The following ACYP2 variants were observed in gnomAD, a reference collection of about 807,000 sequenced individuals.
The protein encoded by ACYP2 is acylphosphatase 2.
ACYP2 carries 12 observed loss-of-function variants against 11.2 expected under a neutral mutation model. The ratio of observed to expected loss-of-function variants is 1.08; its 90% CI spans 0.69 to 1.74. ACYP2 has a LOEUF of 1.74. Among genes scored for constraint, ACYP2 ranks in the 40% most tolerant of loss-of-function variants. The pLI is 0.00. For missense variants in ACYP2, 134 were observed against 101.9 expected (o/e 1.31, Z -1.35); for synonymous variants, 43 against 32.2 (o/e 1.33, Z -1.13).
At chr2:54,041,613 G>A (rs7559384) in intron 2 of ACYP2, among the ~76,000 whole-genome samples, 40,822 of 152,010 alleles carry the variant, frequency 0.27, 6,030 homozygotes, top group South Asian at 0.46. Flanking sequence ...ACAGGTGTAC[G>A]ACTGGACTAT....
chr2:54,195,202 C>G (rs146112369), intron 6 of ACYP2, among the ~76,000 whole-genome samples: 259 of 152,198 alleles, frequency 1.7e-3, no homozygotes, highest in African/African-American at 6.0e-3. Context: ...ATAAAAGGGC[C>G]GATTGTTAGA....
intron 6 of ACYP2, among the ~76,000 whole-genome samples, chr2:54,241,603 G>A (rs1686732873): frequency 6.6e-6 from 1 of 152,178 alleles, no homozygotes; most frequent in South Asian, 2.1e-4. Flanking sequence ...GCCAGGAGAA[G>A]TGAAGATAGT....
At chr2:54,063,743 G>T (rs1468942261) in intron 4 of ACYP2, among the ~76,000 whole-genome samples, 1 of 152,168 alleles carries the variant, frequency 6.6e-6, no homozygotes, top group Non-Finnish European at 1.5e-5. Flanking sequence ...CTTTAACTAT[G>T]CTCATACCTT....
chr2:54,271,469 G>A (rs1446704016), intron 6 of ACYP2, among the ~76,000 whole-genome samples: 1 of 151,552 alleles, frequency 6.6e-6, no homozygotes, highest in African/African-American at 2.4e-5. Flanking sequence ...GACTCAACCA[G>A]TGTGTCCTGT....
chr2:54,193,099 A>G (rs1684304280), intron 6 of ACYP2, among the ~76,000 whole-genome samples: 1 of 152,234 alleles, frequency 6.6e-6, no homozygotes, highest in South Asian at 2.1e-4. Context: ...AACCTTTCAC[A>G]TAATGCTACA....
At chr2:54,153,051 T>G (rs183077550) in intron 6 of ACYP2, among the ~76,000 whole-genome samples, 15 of 152,326 alleles carry the variant, frequency 9.8e-5, no homozygotes, top group Admixed American at 9.8e-4. Context: ...AATTATAGGG[T>G]ACACAGTTTT....
chr2:54,041,391 C>T (rs183679632), intron 2 of ACYP2, among the ~76,000 whole-genome samples: 251 of 152,168 alleles, frequency 1.6e-3, no homozygotes, highest in Non-Finnish European at 3.0e-3. Flanking sequence ...GAAGCAAGGG[C>T]ATCAGAATGA....
At position 54,065,621 on chromosome 2, in the gene ACYP2, AGCCATTTTAGAGAAG is replaced by A. The variant is rs1223527833; in HGVS notation, c.277+8262_277+8276del. ...CCTGGGCTGGTGTGAGTAAGTGGAA[AGCCATTTTAGAGAAG>A]CCAGAATTGGGTTGCCATCTGTCAC... On this transcript the variant is annotated intron_variant, in intron 4 of 6. Transcript: ENST00000607452. 1.8e-5 allele frequency: 7 copies of A among 397,628 alleles called. No homozygotes were observed. In the East Asian group the frequency reaches 2.1e-4, roughly 12 times the overall value. The allele number at this position is 397,628 out of a possible 1,614,324, so 24.6% of individuals were successfully genotyped here. A position where few individuals can be genotyped will look rare whatever the true frequency, so the allele number is the denominator to read the frequency against.
intron 6 of ACYP2, among the ~76,000 whole-genome samples, chr2:54,198,931 G>A (rs1366647405): frequency 6.6e-6 from 1 of 152,130 alleles, no homozygotes. Context: ...TCAGCTTCCT[G>A]GTAGATAAAA....
rs758684939 is a variant in ACYP2 at position 54,304,787 on chromosome 2, T to A, written c.504T>A (p.Phe168Leu). The change falls in exon 7 of 7, where the codon TTT becomes TTA. Residue 168 changes from phenylalanine (F) to leucine (L), a missense_variant. Phe to Leu is a conservative substitution (Grantham distance 22). Coordinates refer to ENST00000607452, the MANE Select transcript of ACYP2 (RefSeq NM_001320586.2). Reference sequence around the variant, plus strand: ...TCTCTAAGCTTGAATACTCTAATTTTAGTATTAGATACTAATAGAAGAGAA... The same window carrying A: ...TCTCTAAGCTTGAATACTCTAATTTAAGTATTAGATACTAATAGAAGAGAA... 1.3e-6 allele frequency: 2 copies of A among 1,592,532 alleles called. No individual in the cohort carries two copies. The highest frequency in any genetic ancestry group is 1.7e-6 in the Non-Finnish European group (2 of 1,163,128).
intron 3 of ACYP2, among the ~76,000 whole-genome samples, chr2:54,052,452 G>A (rs774719715): frequency 3.8e-4 from 57 of 151,888 alleles, no homozygotes; most frequent in Non-Finnish European, 7.1e-4. Context: ...TCTCCTTGGC[G>A]CACAGCACAA....
At chr2:54,015,645 TCA>T (rs4027206) in intron 2 of ACYP2, among the ~76,000 whole-genome samples, 15,864 of 130,238 alleles carry the variant, frequency 0.12, 987 homozygotes, top group East Asian at 0.18. Context: ...TGAGACCCCG[TCA>T]CACACACACA....
intron 6 of ACYP2, among the ~76,000 whole-genome samples, chr2:54,264,132 G>C (rs1346104369): frequency 1.3e-5 from 2 of 152,182 alleles, no homozygotes; most frequent in African/African-American, 4.8e-5. Flanking sequence ...TCCTTCAGAT[G>C]TTCAGAAGGG....
At chr2:54,078,068 T>C (rs935546229) in intron 4 of ACYP2, among the ~76,000 whole-genome samples, 1 of 151,578 alleles carries the variant, frequency 6.6e-6, no homozygotes, top group Non-Finnish European at 1.5e-5. Flanking sequence ...CTCCCAGGCC[T>C]CCTGAATAGC....
chr2:54,230,175 C>A (rs1009760780), intron 6 of ACYP2, among the ~76,000 whole-genome samples: 1 of 152,170 alleles, frequency 6.6e-6, no homozygotes, highest in African/African-American at 2.4e-5. Flanking sequence ...AGAGAATCCC[C>A]TTCCCCTTTT....
At chr2:54,131,046 C>G (rs1680870725) in intron 4 of ACYP2, among the ~76,000 whole-genome samples, 1 of 152,194 alleles carries the variant, frequency 6.6e-6, no homozygotes, top group South Asian at 2.1e-4. Flanking sequence ...ACTTGTCCAT[C>G]TTTCCCACTA....
intron 6 of ACYP2, among the ~76,000 whole-genome samples, chr2:54,164,487 G>T (rs757920683): frequency 2.0e-5 from 3 of 152,168 alleles, no homozygotes; most frequent in Non-Finnish European, 4.4e-5. Flanking sequence ...ACACTTGTTG[G>T]TAGGCACCGG....
chr2:54,157,130 A>T (rs1682469085), intron 6 of ACYP2, among the ~76,000 whole-genome samples: 1 of 152,222 alleles, frequency 6.6e-6, no homozygotes, highest in Non-Finnish European at 1.5e-5. Context: ...ATGTGGATTT[A>T]TGTGGAGTAA....
chr2:54,296,879 G>A (rs1405678882), intron 6 of ACYP2, among the ~76,000 whole-genome samples: 1 of 151,832 alleles, frequency 6.6e-6, no homozygotes. Flanking sequence ...AAGCTTATCA[G>A]TGGATCACCC....
Sources: gnomAD v4.1 joint callset for allele counts (sites outside exome capture counted in the v4.1 genomes callset) on GRCh38, gnomAD v4.1.1 for gene constraint, MANE v1.5 for transcripts, NCBI Gene and HGNC (gene_info 2026-07-23, HGNC 2026-07-21) for gene names.